Variants in EXOC4 observed in about 807,000 individuals in gnomAD.
EXOC4 encodes the protein exocyst complex component 4.
A neutral mutation model predicts 107.2 loss-of-function variants in EXOC4; 71 were observed. The observed-to-expected ratio is 0.66, with a 90% CI of 0.55 to 0.81. The LOEUF (loss-of-function observed/expected upper bound fraction) is 0.81. Among genes scored for constraint, EXOC4 ranks in the 30% least tolerant of loss-of-function variants. EXOC4 has a pLI of 0.00. For missense variants in EXOC4, 1,108 were observed against 1,189.6 expected (o/e 0.93, Z 1.01); for synonymous variants, 456 against 441.2 (o/e 1.03, Z -0.42).
At chr7:133,827,420 T>G (rs1217608088) in intron 11 of EXOC4, among the ~76,000 whole-genome samples, 1 of 152,234 alleles carries the variant, frequency 6.6e-6, no homozygotes, top group African/African-American at 2.4e-5. Flanking sequence ...TTAACTAGAC[T>G]TCTGTAAGTA....
At chr7:133,588,505 A>G (rs1422036741) in intron 9 of EXOC4, among the ~76,000 whole-genome samples, 2 of 152,202 alleles carry the variant, frequency 1.3e-5, no homozygotes, top group African/African-American at 4.8e-5. Flanking sequence ...TATTTGCTCT[A>G]TAAAAATGTG....
At chr7:133,570,993 C>T (rs1449820334) in intron 9 of EXOC4, among the ~76,000 whole-genome samples, 1 of 152,174 alleles carries the variant, frequency 6.6e-6, no homozygotes. Flanking sequence ...CATCTTTACT[C>T]CTGTTGAGCA....
chr7:133,602,903 T>C (rs1026124857), intron 9 of EXOC4, among the ~76,000 whole-genome samples: 2 of 152,046 alleles, frequency 1.3e-5, no homozygotes, highest in African/African-American at 4.8e-5. Context: ...TAGGAAAAAA[T>C]AAGTGTTGTG....
chr7:133,810,772 A>G (rs1473760094), intron 10 of EXOC4, among the ~76,000 whole-genome samples: 1 of 151,972 alleles, frequency 6.6e-6, no homozygotes, highest in East Asian at 1.9e-4. Context: ...CTGGGTCTAC[A>G]GGCACCCGCC....
At chr7:133,820,643 C>T (rs180786972) in intron 11 of EXOC4, among the ~76,000 whole-genome samples, 4 of 152,282 alleles carry the variant, frequency 2.6e-5, no homozygotes, top group African/African-American at 9.6e-5. Flanking sequence ...TAAAAATGTC[C>T]TTTAAAATTC....
chr7:133,552,050 C>T (rs1379968489), intron 9 of EXOC4, among the ~76,000 whole-genome samples: 2 of 152,060 alleles, frequency 1.3e-5, no homozygotes, highest in African/African-American at 4.8e-5. Context: ...AATATGTTTT[C>T]ATGGTTCAGG....
intron 9 of EXOC4, among the ~76,000 whole-genome samples, chr7:133,532,183 T>C (rs1360202684): frequency 2.6e-5 from 4 of 152,110 alleles, no homozygotes; most frequent in African/African-American, 9.6e-5. Context: ...TACCCAATAC[T>C]TACTATTTCT....
At chr7:133,480,362 C>G (rs766842618) in intron 9 of EXOC4, 376 of 1,351,810 alleles carry the variant, frequency 2.8e-4, no homozygotes, top group Non-Finnish European at 3.5e-4. Flanking sequence ...AGTGGGAATT[C>G]AAAGCAAAAA....
the EXOC4 span, among the ~76,000 whole-genome samples, chr7:134,083,642 C>G: frequency 6.6e-6 from 1 of 152,152 alleles, no homozygotes; most frequent in Non-Finnish European, 1.5e-5. Flanking sequence ...TCCATGTGAT[C>G]TCTTCAGCAG....
chr7:133,407,461 T>G (rs1370440374), intron 7 of EXOC4, among the ~76,000 whole-genome samples: 4 of 152,200 alleles, frequency 2.6e-5, no homozygotes, highest in African/African-American at 9.7e-5. Flanking sequence ...TTTAACAGAT[T>G]CTCAGCAGCA....
intron 17 of EXOC4, among the ~76,000 whole-genome samples, chr7:134,036,726 A>G (rs564154526): frequency 6.6e-6 from 1 of 152,358 alleles, no homozygotes; most frequent in South Asian, 2.1e-4. Context: ...ATATGTAGAT[A>G]TTCTGTAGAG....
At chr7:134,038,032 G>T (rs1795431065) in intron 17 of EXOC4, among the ~76,000 whole-genome samples, 1 of 152,142 alleles carries the variant, frequency 6.6e-6, no homozygotes, top group South Asian at 2.1e-4. Flanking sequence ...CCTTTAAAAG[G>T]TCAAGACCCA....
chr7:133,480,471 T>C, intron 9 of EXOC4: 1 of 1,102,460 alleles, frequency 9.1e-7, no homozygotes, highest in Non-Finnish European at 1.1e-6. Flanking sequence ...TTACTTCTAA[T>C]TGTTGTTTTT....
At chr7:133,903,331 A>G (rs2116565464) in intron 12 of EXOC4, among the ~76,000 whole-genome samples, 1 of 152,342 alleles carries the variant, frequency 6.6e-6, no homozygotes, top group Non-Finnish European at 1.5e-5. Flanking sequence ...TTAGGTAGTC[A>G]AGGATGGAAG....
chr7:133,823,882 A>AT (rs1554405865), intron 11 of EXOC4, among the ~76,000 whole-genome samples: 4 of 20,914 alleles, frequency 1.9e-4, no homozygotes, highest in South Asian at 2.1e-3. Context: ...TTATATATAT[A>AT]TATATATATA....
In EXOC4 at chr7:133,525,603, A is replaced by G. The variant is rs894788518; in HGVS notation, c.1417+45465A>G. Among the ~76,000 whole-genome samples the G allele has an allele frequency of 3.3e-5, 5 of 152,170 alleles. No individual in the cohort carries two copies. The South Asian group carries it at 8.3e-4, about 25-fold the overall frequency. ...ATAATGCTGTTTACTGTGTTAATGA[A>G]TGCAAAGAGTACAAAAGGAAACCCA... On this transcript the variant is annotated intron_variant, in intron 9 of 17. Transcript: ENST00000253861.
At chr7:134,001,472 CT>C (rs61593512) in intron 15 of EXOC4, among the ~76,000 whole-genome samples, 4,359 of 150,840 alleles carry the variant, frequency 0.029, 240 homozygotes, top group African/African-American at 0.097. Context: ...ATTTTAATTT[CT>C]TTTTTTTTTT....
chr7:133,400,759 C>G (rs142527246), intron 7 of EXOC4, among the ~76,000 whole-genome samples: 2,231 of 152,222 alleles, frequency 0.015, 22 homozygotes, highest in Middle Eastern at 0.031. Flanking sequence ...TTGAGGGGCT[C>G]TTGTGCCCTG....
At chr7:133,741,194 A>G (rs1213764782) in intron 10 of EXOC4, among the ~76,000 whole-genome samples, 1 of 152,092 alleles carries the variant, frequency 6.6e-6, no homozygotes, top group Non-Finnish European at 1.5e-5. Flanking sequence ...TGTCTCCTAA[A>G]GTAGCTCCCC....
Sources: allele counts gnomAD v4.1 joint callset (sites outside exome capture counted in the v4.1 genomes callset), GRCh38; gene constraint gnomAD v4.1.1; transcripts MANE v1.5; gene names NCBI Gene and HGNC (gene_info 2026-07-23, HGNC 2026-07-21).